Variants in CELF2 observed in about 807,000 individuals in gnomAD.
CELF2 encodes CUGBP Elav-like family member 2.
CELF2 carries 8 observed loss-of-function variants against 62.6 expected under a neutral mutation model. The ratio of observed to expected loss-of-function variants is 0.13; its 90% CI spans 0.07 to 0.23. The LOEUF (loss-of-function observed/expected upper bound fraction) is 0.23. Among genes scored for constraint, CELF2 ranks in the 10% least tolerant of loss-of-function variants. The probability of loss-of-function intolerance (pLI) is 1.00; values close to 1 mark genes in which losing one functional copy is unlikely to be tolerated. For missense variants in CELF2, 333 were observed against 671.0 expected, an observed-to-expected ratio of 0.50 and a Z score of 5.56; for synonymous variants, 258 against 250.0, an observed-to-expected ratio of 1.03 and a Z score of -0.30.
the CELF2 span, among the ~76,000 whole-genome samples, chr10:10,573,523 G>C: frequency 1.3e-5 from 2 of 152,120 alleles, no homozygotes; most frequent in Non-Finnish European, 2.9e-5. Flanking sequence ...GTGGTAATCT[G>C]TACCAAAGAG....
the CELF2 span, among the ~76,000 whole-genome samples, chr10:10,581,755 C>T: frequency 1.3e-5 from 2 of 152,264 alleles, no homozygotes; most frequent in South Asian, 2.1e-4. Flanking sequence ...ATAGGCCAGG[C>T]GCGGTGGTTC....
At position 11,219,848 on chromosome 10, in the gene CELF2, A is replaced by G. The variant is rs533632149; in HGVS notation, c.354+2341A>G. ...ATTACAAGCCTTGAAATTAGTCAAC[A>G]TTTCCATAATTCTAAACCAATATAC... On this transcript the variant is annotated intron_variant, in intron 3 of 12. Coordinates refer to ENST00000633077, the MANE Select transcript of CELF2 (RefSeq NM_001326342.2). Among the ~76,000 whole-genome samples, 12 of 152,336 alleles carry G rather than the reference A, an allele frequency of 7.9e-5. 1 individual carries two copies. The South Asian group carries it at 2.3e-3, about 29-fold the overall frequency.
At chr10:10,978,027 T>G (rs1447890187) in intron 2 of CELF2, among the ~76,000 whole-genome samples, 1 of 149,710 alleles carries the variant, frequency 6.7e-6, no homozygotes, top group Non-Finnish European at 1.5e-5. Context: ...GGTTTGGGTT[T>G]TTTTTTGTTT....
chr10:11,090,241 A>G (rs1216316420), intron 1 of CELF2, among the ~76,000 whole-genome samples: 1 of 152,160 alleles, frequency 6.6e-6, no homozygotes, highest in Non-Finnish European at 1.5e-5. Context: ...ATGAAGGGAA[A>G]CAAGGCGGTA....
chr10:10,814,336 C>T (rs1273198432), intron 1 of CELF2, among the ~76,000 whole-genome samples: 1 of 147,982 alleles, frequency 6.8e-6, no homozygotes, highest in Non-Finnish European at 1.5e-5. Context: ...AGAAAGAGAA[C>T]TTGACTCTCT....
At chr10:11,089,259 T>C (rs1466623954) in intron 1 of CELF2, among the ~76,000 whole-genome samples, 1 of 152,112 alleles carries the variant, frequency 6.6e-6, no homozygotes, top group Admixed American at 6.5e-5. Flanking sequence ...TAGGCCACAG[T>C]GGAGGTTGGC....
rs368198884 is a variant in CELF2 at position 10,824,304 on chromosome 10, T to C, written c.53+25487T>C. ...TATTAATAGTGTGTGATTTTCAAAA[T>C]GTATTTATTTATTTGGCCAACAAAA... On this transcript the variant is annotated intron_variant, in intron 1 of 13. Transcript: ENST00000636488. Among the ~76,000 whole-genome samples, 45 of 152,330 alleles carry C rather than the reference T, an allele frequency of 3.0e-4. No individual in the cohort carries two copies. In the East Asian group the frequency reaches 7.5e-3, roughly 25 times the overall value.
chr10:10,787,983 C>T, the CELF2 span, among the ~76,000 whole-genome samples: 4 of 152,250 alleles, frequency 2.6e-5, no homozygotes, highest in African/African-American at 9.6e-5. Flanking sequence ...CTGTCAAAAT[C>T]ATATCACCAA....
At chr10:10,539,457 C>A in the CELF2 span, among the ~76,000 whole-genome samples, 5 of 148,922 alleles carry the variant, frequency 3.4e-5, no homozygotes, top group African/African-American at 1.0e-4. Flanking sequence ...GCCACCCCAC[C>A]CCCACCTCTG....
chr10:10,739,440 G>T, the CELF2 span, among the ~76,000 whole-genome samples: 1 of 152,076 alleles, frequency 6.6e-6, no homozygotes, highest in Admixed American at 6.6e-5. Flanking sequence ...CCATTTTTGG[G>T]CATTTTAATT....
At chr10:10,620,237 C>T in the CELF2 span, among the ~76,000 whole-genome samples, 1 of 152,098 alleles carries the variant, frequency 6.6e-6, no homozygotes, top group African/African-American at 2.4e-5. Context: ...GCTGCTTTCA[C>T]AACAGCAGAG....
At chr10:10,524,731 G>A in the CELF2 span, among the ~76,000 whole-genome samples, 1 of 151,948 alleles carries the variant, frequency 6.6e-6, no homozygotes, top group Non-Finnish European at 1.5e-5. Flanking sequence ...CTCACACTTT[G>A]ATTGAGCATG....
the CELF2 span, among the ~76,000 whole-genome samples, chr10:10,639,160 T>C: frequency 6.6e-6 from 1 of 152,242 alleles, no homozygotes; most frequent in Non-Finnish European, 1.5e-5. Flanking sequence ...TGTGCAATTG[T>C]TCTGCATTGT....
At chr10:11,020,581 T>G (rs1185970962) in intron 1 of CELF2, among the ~76,000 whole-genome samples, 2 of 152,220 alleles carry the variant, frequency 1.3e-5, no homozygotes, top group Non-Finnish European at 2.9e-5. Context: ...TGGACTAAAT[T>G]GCAGTCGGCT....
upstream of CELF2, among the ~76,000 whole-genome samples, chr10:11,002,052 A>T (rs1478370568): frequency 6.6e-6 from 1 of 152,226 alleles, no homozygotes; most frequent in East Asian, 1.9e-4. The surrounding 1 kb of genome is among the most constrained non-coding windows in gnomAD (Gnocchi z 4.4). Context: ...GCTGATAAAG[A>T]CATACCTGAG....
intron 1 of CELF2, among the ~76,000 whole-genome samples, chr10:10,881,812 G>T (rs1392970303): frequency 6.6e-6 from 1 of 152,102 alleles, no homozygotes; most frequent in Non-Finnish European, 1.5e-5. Context: ...AACTGCCGCT[G>T]CCTAACAGTC....
chr10:10,494,542 A>G, the CELF2 span, among the ~76,000 whole-genome samples: 2 of 152,222 alleles, frequency 1.3e-5, no homozygotes, highest in Admixed American at 1.3e-4. Flanking sequence ...GTTTGTTCTA[A>G]TTAACAAAAA....
Position 11,243,829 on chromosome 10 carries a change from G to A in CELF2, c.355-5324G>A, listed in dbSNP as rs538065200. Among the ~76,000 whole-genome samples, 34 of 152,354 alleles carry A rather than the reference G, an allele frequency of 2.2e-4. No homozygotes were observed. Among genetic ancestry groups the A allele is most frequent in the South Asian group, 8.3e-4 (4 of 4,834 alleles). On this transcript the variant is annotated intron_variant, in intron 3 of 12. Transcript: ENST00000633077. The surrounding 1 kb of genome is among the most constrained non-coding windows in gnomAD (Gnocchi z 4.1). The stretch of plus-strand genomic sequence containing the variant: ...CTTCCCATTCTGTGTGGCTGGAGAT[G>A]CAGCCTCAGTTTAATTAGCACACGT...
chr10:10,812,733 A>G lies in CELF2; in HGVS notation c.53+13916A>G, dbSNP rs112886559. ...TTCTTCTGAATGTTCATAACACTGA[A>G]TCTAAACCTCAGATCTGCAAATGCA... On this transcript the variant is annotated intron_variant, in intron 1 of 13. Coordinates refer to the CELF2 transcript ENST00000636488. Among the ~76,000 whole-genome samples the G allele has an allele frequency of 6.4e-3, 967 of 152,272 alleles. 10 individuals carry two copies. Among genetic ancestry groups the G allele is most frequent in the African/African-American group, 0.022 (927 of 41,540 alleles).
Sources: gnomAD v4.1 joint callset for allele counts (sites outside exome capture counted in the v4.1 genomes callset) on GRCh38, gnomAD v4.1.1 for gene constraint, Gnocchi (gnomAD v3.1) non-coding constraint, MANE v1.5 for transcripts, NCBI Gene and HGNC (gene_info 2026-07-23, HGNC 2026-07-21) for gene names.